AAK1: variants seen among roughly 807,000 people sequenced by gnomAD.
AAK1 encodes the protein AP2 associated kinase 1, also known as AP2-associated protein kinase 1.
Under a neutral mutation model 116.0 loss-of-function variants are expected in AAK1, and 37 were observed. The observed-to-expected ratio is 0.32, with a 90% CI of 0.25 to 0.42. AAK1 has a LOEUF of 0.42. Ranked by LOEUF, AAK1 falls within the 10% of genes least tolerant of loss-of-function variation. AAK1 has a pLI of 1.00. For missense variants in AAK1, 919 were observed against 1,170.6 expected (o/e 0.79, Z 3.14); for synonymous variants, 458 against 439.9 (o/e 1.04, Z -0.51).
intron 17 of AAK1, among the ~76,000 whole-genome samples, chr2:69,488,149 C>CGTGTGTGT (rs58575925): frequency 0.025 from 3,661 of 144,624 alleles, 69 homozygotes; most frequent in South Asian, 0.042. Context: ...TGTGTGTGGA[C>CGTGTGTGT]GTGTGTGTGT....
At chr2:69,627,155 G>A (rs552026275) in intron 2 of AAK1, among the ~76,000 whole-genome samples, 4 of 152,172 alleles carry the variant, frequency 2.6e-5, no homozygotes, top group African/African-American at 9.6e-5. Context: ...TAGGCGTGGT[G>A]GCGGGCGCCT....
intron 17 of AAK1, among the ~76,000 whole-genome samples, chr2:69,486,070 G>A (rs919680054): frequency 4.6e-5 from 7 of 151,894 alleles, no homozygotes; most frequent in Middle Eastern, 3.4e-3. Flanking sequence ...TCCTTCAGCC[G>A]CAGCCTTCTG....
chr2:69,497,295 CTTTTTTT>C (rs1176401016), intron 16 of AAK1, among the ~76,000 whole-genome samples: 166 of 76,084 alleles, frequency 2.2e-3, no homozygotes, highest in South Asian at 0.014. Flanking sequence ...CATTATCATT[CTTTTTTT>C]TTTTTTTTTT....
chr2:69,568,425 CTTTTTTTTTT>C (rs61271799), intron 2 of AAK1, among the ~76,000 whole-genome samples: 21 of 122,204 alleles, frequency 1.7e-4, no homozygotes, highest in African/African-American at 6.4e-4. Context: ...ATGTTTTCAA[CTTTTTTTTTT>C]TTTTTTTTTT....
chr2:69,554,672 C>T (rs1326105030), intron 3 of AAK1, among the ~76,000 whole-genome samples: 1 of 152,064 alleles, frequency 6.6e-6, no homozygotes, highest in African/African-American at 2.4e-5. Flanking sequence ...CAAGAACTAG[C>T]AATATTAGCA....
intron 2 of AAK1, among the ~76,000 whole-genome samples, chr2:69,590,416 A>C (rs1300107700): frequency 6.6e-6 from 1 of 152,198 alleles, no homozygotes; most frequent in Non-Finnish European, 1.5e-5. Flanking sequence ...AGAAAGCTAT[A>C]CAGAGAAACT....
At chr2:69,608,148 T>G (rs1673892872) in intron 2 of AAK1, among the ~76,000 whole-genome samples, 1 of 152,040 alleles carries the variant, frequency 6.6e-6, no homozygotes, top group African/African-American at 2.4e-5. Context: ...CAGGCAGCAA[T>G]AAATGCAGGC....
intron 2 of AAK1, among the ~76,000 whole-genome samples, chr2:69,627,710 C>T (rs970831565): frequency 1.3e-5 from 2 of 152,284 alleles, no homozygotes; most frequent in South Asian, 4.1e-4. Context: ...CCTCTTCCTC[C>T]ACACAGTCTC....
chr2:69,505,567 A>T lies in AAK1; in HGVS notation c.2269+2T>A. On this transcript the variant is annotated splice_donor_variant, in intron 16 of 21. Coordinates refer to ENST00000409085, the MANE Select transcript of AAK1 (RefSeq NM_014911.5). LOFTEE classifies it high-confidence loss of function. ...CCCGTTCCAGGTATTTGCCATACTAACCAGTTCCAGCAGAAAATGAGGTCG... is the reference window on the plus strand; with the variant it reads ...CCCGTTCCAGGTATTTGCCATACTATCCAGTTCCAGCAGAAAATGAGGTCG... The T allele has an allele frequency of 6.2e-7, 1 of 1,613,166 alleles. No individual in the cohort carries two copies.
At chr2:69,479,096 T>C (rs747485630) in intron 19 of AAK1, 35 bp from the exon 20 acceptor site, 15 of 1,320,056 alleles carry the variant, frequency 1.1e-5, no homozygotes, top group Non-Finnish European at 1.6e-5. Context: ...AGGTCAGTGA[T>C]GGCATTAAGT....
At chr2:69,493,656 C>CAA (rs1179811221) in intron 17 of AAK1, among the ~76,000 whole-genome samples, 1 of 152,182 alleles carries the variant, frequency 6.6e-6, no homozygotes, top group Non-Finnish European at 1.5e-5. Flanking sequence ...GCCCCTCCCT[C>CAA]AGAGAGTGAT....
At chr2:69,532,368 G>A (rs1484986922) in intron 5 of AAK1, among the ~76,000 whole-genome samples, 1 of 152,162 alleles carries the variant, frequency 6.6e-6, no homozygotes, top group Non-Finnish European at 1.5e-5. Flanking sequence ...AGTGGGTGGA[G>A]AGGGAAAAAA....
rs1346334124 is a variant in AAK1, at chr2:69,482,723, C to T, written c.2455G>A (p.Asp819Asn). The change falls in exon 18 of 22, where the codon GAT (aspartate) becomes AAT (asparagine). Residue 819 changes from aspartate to asparagine, a missense_variant. Transcript: ENST00000409085. ...PMTDPFGSTS[D>N]AVIEKADVAV... ...ATGATGACTTTACCAATTACAGCAT[C>T]AGAAGTGCTACCAAAAGGATCTGTC... 6.2e-7 allele frequency: 1 copy of T among 1,609,838 alleles called. No individual in the cohort carries two copies. Among genetic ancestry groups the T allele is most frequent in the South Asian group, 1.1e-5 (1 of 90,986 alleles).
chr2:69,576,538 CTTT>C (rs1672323675), intron 2 of AAK1, among the ~76,000 whole-genome samples: 1 of 152,104 alleles, frequency 6.6e-6, no homozygotes, highest in South Asian at 2.1e-4. Flanking sequence ...CTGTTTCCTT[CTTT>C]GTGTTCCTAA....
chr2:69,479,044 C>A lies in AAK1; in HGVS notation c.2587G>T (p.Asp863Tyr). 6.2e-7 allele frequency: 1 copy of A among 1,613,460 alleles called. No homozygotes were observed. Among genetic ancestry groups the A allele is most frequent in the Non-Finnish European group, 8.5e-7 (1 of 1,179,406 alleles). ...SNRTDSLTGE[D>Y]SLLDCSLLSN... ...AGCAGAGAGCAATCAAGCAGGGAAT[C>A]TTCCCCGGTGAGAGAATCTGAGTCC... is the stretch of plus-strand genomic sequence containing the variant. The change falls in exon 20 of 22, where the codon GAT becomes TAT. Residue 863 changes from aspartate to tyrosine, a missense_variant. Asp to Tyr is a radical substitution (Grantham distance 160, BLOSUM62 -3). Transcript: ENST00000409085.
chr2:69,580,091 A>T (rs1040705800), intron 2 of AAK1, among the ~76,000 whole-genome samples: 2 of 152,162 alleles, frequency 1.3e-5, no homozygotes, highest in Non-Finnish European at 2.9e-5. Context: ...CCAAATCTTG[A>T]TGATTTGTCT....
intron 12 of AAK1, among the ~76,000 whole-genome samples, chr2:69,515,118 T>C (rs1676531833): frequency 6.6e-6 from 1 of 152,184 alleles, no homozygotes; most frequent in Non-Finnish European, 1.5e-5. Context: ...TAATCCTTCT[T>C]ATAAAGGGAT....
chr2:69,486,339 G>A (rs1302959500), intron 17 of AAK1, among the ~76,000 whole-genome samples: 3 of 152,162 alleles, frequency 2.0e-5, no homozygotes, highest in East Asian at 1.9e-4. Context: ...TACACGTGTT[G>A]TGTGGTGAGA....
chr2:69,550,584 C>T (rs779860826), intron 3 of AAK1, among the ~76,000 whole-genome samples: 10 of 151,462 alleles, frequency 6.6e-5, no homozygotes, highest in Non-Finnish European at 1.2e-4. Context: ...TGAGCCACTG[C>T]GTGCCCGGCC....
Sources: gnomAD v4.1 joint callset for allele counts (sites outside exome capture counted in the v4.1 genomes callset) on GRCh38, gnomAD v4.1.1 for gene constraint, MANE v1.5 for transcripts, NCBI Gene and HGNC (gene_info 2026-07-23, HGNC 2026-07-21) for gene names.